The following SPATA31G1 variants were observed in gnomAD, a reference collection of about 807,000 sequenced individuals.
SPATA31G1 encodes spermatogenesis-associated protein 31G1.
At chr9:35,042,499 G>T in the SPATA31G1 span, 2 of 1,614,016 alleles carry the variant, frequency 1.2e-6, no homozygotes, top group South Asian at 2.2e-5. Flanking sequence ...GGTGACCTGT[G>T]ACTGTACAGC....
the SPATA31G1 span, chr9:35,045,409 TG>T: frequency 1.9e-6 from 3 of 1,614,126 alleles, 1 homozygote; most frequent in Non-Finnish European, 1.7e-6. Flanking sequence ...TCTAAGGTTC[TG>T]GTCTCAGGCA....
the SPATA31G1 span, chr9:35,043,856 A>G: frequency 6.2e-7 from 1 of 1,614,148 alleles, no homozygotes; most frequent in Non-Finnish European, 8.5e-7. Flanking sequence ...ATCCATCCAG[A>G]TATAAGCCCC....
At chr9:35,042,552 G>C in the SPATA31G1 span, 6 of 1,607,666 alleles carry the variant, frequency 3.7e-6, no homozygotes, top group Non-Finnish European at 5.1e-6. Context: ...TCATTGGTAT[G>C]AATGTGGGCC....
At chr9:35,045,623 C>G in the SPATA31G1 span, 1 of 1,614,228 alleles carries the variant, frequency 6.2e-7, no homozygotes, top group Non-Finnish European at 8.5e-7. Flanking sequence ...GGGGCCAGAG[C>G]TCTCAACACA....
At chr9:35,045,415 C>T in the SPATA31G1 span, 1 of 1,614,134 alleles carries the variant, frequency 6.2e-7, no homozygotes, top group South Asian at 1.1e-5. Context: ...GTTCTGGTCT[C>T]AGGCAAGAGA....
the SPATA31G1 span, chr9:35,045,677 G>A: frequency 1.9e-6 from 3 of 1,614,170 alleles, no homozygotes; most frequent in Non-Finnish European, 2.5e-6. Context: ...CGGGTCCCCA[G>A]GATCAGCCAG....
the SPATA31G1 span, chr9:35,043,573 A>G: frequency 6.2e-7 from 1 of 1,614,126 alleles, no homozygotes; most frequent in Non-Finnish European, 8.5e-7. Context: ...AGCCCCCTGG[A>G]AGTTCTCCCT....
chr9:35,045,341 T>C, the SPATA31G1 span: 1 of 1,614,058 alleles, frequency 6.2e-7, no homozygotes. Flanking sequence ...AAGGGCCATG[T>C]GTACACATGG....
the SPATA31G1 span, chr9:35,045,291 G>T: frequency 6.2e-7 from 1 of 1,614,078 alleles, no homozygotes; most frequent in Non-Finnish European, 8.5e-7. Flanking sequence ...TCAGAGAGGG[G>T]AGAAAATGAA....
At chr9:35,042,906 A>C in the SPATA31G1 span, 1 of 1,614,144 alleles carries the variant, frequency 6.2e-7, no homozygotes, top group Non-Finnish European at 8.5e-7. Context: ...TCACCTGTGT[A>C]AGCAGAAATC....
the SPATA31G1 span, chr9:35,045,265 G>A: frequency 6.2e-7 from 1 of 1,614,114 alleles, no homozygotes; most frequent in Non-Finnish European, 8.5e-7. Flanking sequence ...GAGTCTGGCA[G>A]GGCGGAACAA....
the SPATA31G1 span, chr9:35,045,696 C>A: frequency 0.013 from 21,437 of 1,614,166 alleles, 185 homozygotes; most frequent in East Asian, 0.019. Context: ...AGAGGCAGGG[C>A]GAAGAGCAAG....
the SPATA31G1 span, chr9:35,044,875 C>T: frequency 6.2e-7 from 1 of 1,614,074 alleles, no homozygotes; most frequent in Non-Finnish European, 8.5e-7. Flanking sequence ...CCTGGTCTAC[C>T]CAAGGGAGTA....
the SPATA31G1 span, chr9:35,045,944 G>T: frequency 6.8e-7 from 1 of 1,477,316 alleles, no homozygotes; most frequent in Non-Finnish European, 9.0e-7. Context: ...GGGATGTGGA[G>T]ACAAGAAATG....
At chr9:35,045,168 C>G in the SPATA31G1 span, 3 of 1,614,152 alleles carry the variant, frequency 1.9e-6, no homozygotes, top group Non-Finnish European at 2.5e-6. Flanking sequence ...AAGTTGTCAT[C>G]CTCAAGAAGT....
the SPATA31G1 span, chr9:35,044,456 A>C: frequency 6.2e-6 from 10 of 1,614,188 alleles, no homozygotes; most frequent in Non-Finnish European, 8.5e-6. Flanking sequence ...ACTTACCCCA[A>C]GACCTGCATG....
At chr9:35,042,137 T>A in the SPATA31G1 span, 1 of 1,448,832 alleles carries the variant, frequency 6.9e-7, no homozygotes, top group Non-Finnish European at 9.1e-7. Context: ...GAGGAAATTT[T>A]TTTTGGTTCT....
the SPATA31G1 span, chr9:35,044,627 C>CTA: frequency 6.2e-7 from 1 of 1,614,168 alleles, no homozygotes; most frequent in Non-Finnish European, 8.5e-7. Context: ...ACCAAAGCAA[C>CTA]TATAAGCCTG....
At chr9:35,045,023 T>C in the SPATA31G1 span, 3 of 1,614,208 alleles carry the variant, frequency 1.9e-6, no homozygotes, top group Non-Finnish European at 2.5e-6. Context: ...GGCAGAGCCC[T>C]GCCTCCAGAG....
Sources: gnomAD v4.1 joint callset for allele counts on GRCh38, gnomAD v4.1.1 for gene constraint, MANE v1.5 for transcripts, NCBI Gene and HGNC (gene_info 2026-07-23, HGNC 2026-07-21) for gene names.